Variants in RAB4A observed in about 807,000 individuals in gnomAD.
RAB4A encodes RAB4A, member RAS oncogene family.
In RAB4A, 20 loss-of-function variants were observed where a neutral mutation model predicts 34.5. The observed-to-expected ratio is 0.58, with a 90% CI of 0.41 to 0.84. The LOEUF (loss-of-function observed/expected upper bound fraction) is 0.84, where lower values mean the gene tolerates loss of function less well. Among genes scored for constraint, RAB4A ranks in the 40% least tolerant of loss-of-function variants. The pLI is 0.00. For synonymous variants in RAB4A, 102 were observed against 100.0 expected, an observed-to-expected ratio of 1.02 and a Z score of -0.12; for missense variants, 228 against 274.5, an observed-to-expected ratio of 0.83 and a Z score of 1.20.
intron 4 of RAB4A, among the ~76,000 whole-genome samples, chr1:229,296,842 C>T (rs1657262683): frequency 6.6e-6 from 1 of 152,198 alleles, no homozygotes; most frequent in Non-Finnish European, 1.5e-5. Flanking sequence ...GTGAAGTCAT[C>T]AATCAGGCTA....
At chr1:229,303,332 C>T (rs1449928941) in intron 7 of RAB4A, among the ~76,000 whole-genome samples, 1 of 151,294 alleles carries the variant, frequency 6.6e-6, no homozygotes, top group Non-Finnish European at 1.5e-5. Context: ...GCACTCCAGC[C>T]TGGGCGATAA....
At chr1:229,277,007 A>T (rs1316388817) in intron 1 of RAB4A, among the ~76,000 whole-genome samples, 1 of 146,524 alleles carries the variant, frequency 6.8e-6, no homozygotes, top group African/African-American at 2.5e-5. Flanking sequence ...AGATATATAT[A>T]ATATATATAG....
At chr1:229,292,354 A>G (rs1657112356) in intron 3 of RAB4A, among the ~76,000 whole-genome samples, 1 of 152,208 alleles carries the variant, frequency 6.6e-6, no homozygotes, top group Non-Finnish European at 1.5e-5. Flanking sequence ...ATAAATTTGA[A>G]AGTAAAATTT....
intron 3 of RAB4A, among the ~76,000 whole-genome samples, chr1:229,292,495 C>T (rs567629588): frequency 6.6e-6 from 1 of 152,226 alleles, no homozygotes; most frequent in Admixed American, 6.5e-5. Context: ...CGAGGCCTTT[C>T]CCCCTGCCTT....
intron 2 of RAB4A, among the ~76,000 whole-genome samples, chr1:229,288,412 A>T (rs890003312): frequency 6.6e-6 from 1 of 152,198 alleles, no homozygotes; most frequent in Non-Finnish European, 1.5e-5. Context: ...GTCAGCAGTC[A>T]CCATCTGTGA....
At chr1:229,271,396 C>A in intron 1 of RAB4A, 26 bp downstream of exon 1, 1 of 1,217,340 alleles carries the variant, frequency 8.2e-7, no homozygotes, top group Non-Finnish European at 1.0e-6. Context: ...TGGCGGGGCG[C>A]GCGGGTCGGG....
intron 1 of RAB4A, among the ~76,000 whole-genome samples, chr1:229,275,618 T>C (rs1656619853): frequency 7.5e-6 from 1 of 133,926 alleles, no homozygotes; most frequent in South Asian, 2.1e-4. Context: ...CTTTTCCTTT[T>C]TTTTTTTTTT....
At chr1:229,277,618 T>C (rs1656683495) in intron 1 of RAB4A, among the ~76,000 whole-genome samples, 1 of 151,434 alleles carries the variant, frequency 6.6e-6, no homozygotes, top group Non-Finnish European at 1.5e-5. Context: ...ATCTATCATA[T>C]GGTCTTGCTC....
intron 5 of RAB4A, 104 bp downstream of exon 5, chr1:229,297,740 A>G: frequency 8.0e-7 from 1 of 1,244,416 alleles, no homozygotes; most frequent in Non-Finnish European, 1.1e-6. Context: ...ATTAAACTAG[A>G]TTTAGGAAAT....
chr1:229,302,753 T>C (rs1657448433), intron 6 of RAB4A, 109 bp from the exon 7 acceptor site: 3 of 683,002 alleles, frequency 4.4e-6, no homozygotes, highest in Non-Finnish European at 7.2e-6. Flanking sequence ...TTCAGAATGG[T>C]GGGATATATA....
chr1:229,278,970 C>G (rs1371671961), intron 1 of RAB4A, among the ~76,000 whole-genome samples: 1 of 152,220 alleles, frequency 6.6e-6, no homozygotes, highest in Non-Finnish European at 1.5e-5. Flanking sequence ...TGTTGGCTTA[C>G]AGGTATTTTC....
intron 1 of RAB4A, among the ~76,000 whole-genome samples, chr1:229,273,264 C>A (rs974560889): frequency 2.0e-5 from 3 of 152,208 alleles, no homozygotes; most frequent in Admixed American, 6.5e-5. Flanking sequence ...TTGGCATCTC[C>A]ACTTCAGACA....
chr1:229,302,975 TAGG>T lies in RAB4A; in HGVS notation c.*1_*3del. 6.2e-6 allele frequency: 10 copies of T among 1,612,930 alleles called. No individual in the cohort carries two copies. The highest frequency in any genetic ancestry group is 8.5e-6 in the Non-Finnish European group (10 of 1,179,240). ...CCCGAACGCTCAGGAGTGTGGTTGT[TAGG>T]AGAGCACACAGGTGGGTTTGGACAC... On this transcript the variant is annotated stop_retained_variant and 3_prime_UTR_variant, in exon 7 of 8. Transcript: ENST00000366690.
Position 229,271,314 on chromosome 1 carries a change from C to G in RAB4A, c.-26C>G. 1 of 1,327,544 alleles carries G rather than the reference C, an allele frequency of 7.5e-7. No homozygotes were observed. Among genetic ancestry groups the G allele is most frequent in the Non-Finnish European group, 9.6e-7 (1 of 1,036,940 alleles). 82.2% of individuals were successfully genotyped at this position (1,327,544 alleles called of 1,614,324 possible). A position where few individuals can be genotyped will look rare whatever the true frequency, so the allele number is the denominator to read the frequency against. ...CCGCGGGCGAGTGCAGCCGGTGACCCGGCGAGAGGCGGCGCCGCTCCCAAG... is the reference window on the plus strand; with the variant it reads ...CCGCGGGCGAGTGCAGCCGGTGACCGGGCGAGAGGCGGCGCCGCTCCCAAG... On this transcript the variant is annotated 5_prime_UTR_variant, in exon 1 of 8. Transcript: ENST00000366690.
rs1024996842 is a variant in RAB4A, at chr1:229,303,991, C to T, written c.*198C>T. 1.3e-5 allele frequency: 2 copies of T among 152,064 alleles called. No individual in the cohort carries two copies. Among genetic ancestry groups the T allele is most frequent in the African/African-American group, 4.8e-5 (2 of 41,370 alleles). 9.4% of individuals were successfully genotyped at this position (152,064 alleles called of 1,614,324 possible). A position where few individuals can be genotyped will look rare whatever the true frequency, so the allele number is the denominator to read the frequency against. Reference sequence around the variant, plus strand: ...ATAAATCGAATTAAATGGACAACACCGTTAGATGTGTATGTAAAAATTTTC... The same window carrying T: ...ATAAATCGAATTAAATGGACAACACTGTTAGATGTGTATGTAAAAATTTTC... On this transcript the variant is annotated 3_prime_UTR_variant, in exon 8 of 8. Transcript: ENST00000366690.
rs187267343 is a variant in RAB4A at position 229,301,810 on chromosome 1, T to C, written c.542-1052T>C. Among the ~76,000 whole-genome samples the C allele has an allele frequency of 2.5e-3, 384 of 152,244 alleles. 1 individual carries two copies. The highest frequency in any genetic ancestry group is 8.9e-3 in the African/African-American group (370 of 41,550). On this transcript the variant is annotated intron_variant, in intron 6 of 7. Transcript: ENST00000366690. ...CCACGCCTTGCTTTTTTACTTACTA[T>C]TGTATAACCTACAAATCATTACAAA... is the stretch of plus-strand genomic sequence containing the variant.
intron 3 of RAB4A, chr1:229,289,110 C>A: frequency 2.6e-6 from 1 of 389,966 alleles, no homozygotes; most frequent in South Asian, 2.8e-5. Flanking sequence ...GAGGATGTGG[C>A]ACTGTGTATT....
intron 6 of RAB4A, among the ~76,000 whole-genome samples, chr1:229,301,228 T>C (rs1049704841): frequency 2.0e-5 from 3 of 152,170 alleles, no homozygotes; most frequent in Middle Eastern, 6.8e-3. Context: ...GTGCAAAGGG[T>C]TAATTTAAAG....
chr1:229,271,134 C>G lies in RAB4A; in HGVS notation c.-206C>G, dbSNP rs1013830707. The G allele has an allele frequency of 7.7e-5, 30 of 389,340 alleles. 1 individual carries two copies. In the Admixed American group the frequency reaches 1.4e-3, roughly 18 times the overall value. 24.1% of individuals were successfully genotyped at this position (389,340 alleles called of 1,614,324 possible). On this transcript the variant is annotated 5_prime_UTR_variant, in exon 1 of 8. Transcript: ENST00000366690. ...TCCTCTTCCTCCTCGCGGTCGCGGC[C>G]GGACGGAGGGTGGAGGGCCCTGCGC...
Sources: allele counts gnomAD v4.1 joint callset (sites outside exome capture counted in the v4.1 genomes callset), GRCh38; gene constraint gnomAD v4.1.1; transcripts MANE v1.5; gene names NCBI Gene and HGNC (gene_info 2026-07-23, HGNC 2026-07-21).